CCNY: variants seen among roughly 807,000 people sequenced by gnomAD.
The protein encoded by CCNY is cyclin Y, also known as cyclin-Y.
A neutral mutation model predicts 42.8 loss-of-function variants in CCNY; 19 were observed. That is an observed-to-expected ratio of 0.44 (90% CI 0.31 to 0.65). CCNY has a LOEUF of 0.65. CCNY is among the 30% of genes least tolerant of loss of function. CCNY has a pLI of 0.07. For synonymous variants in CCNY, 165 were observed against 162.7 expected, an observed-to-expected ratio of 1.01 and a Z score of -0.11; for missense variants, 370 against 437.3, an observed-to-expected ratio of 0.85 and a Z score of 1.37.
At chr10:35,565,316 A>G (rs1841547446) in intron 8 of CCNY, among the ~76,000 whole-genome samples, 1 of 152,066 alleles carries the variant, frequency 6.6e-6, no homozygotes. Flanking sequence ...ATCATCTGGG[A>G]GTTCCTTAGA....
chr10:35,391,877 GT>G (rs1045908268), intron 1 of CCNY, among the ~76,000 whole-genome samples: 1 of 151,962 alleles, frequency 6.6e-6, no homozygotes, highest in African/African-American at 2.4e-5. Flanking sequence ...TCTTCCTTTT[GT>G]TTTTATCTAC....
chr10:35,374,800 G>A (rs1270204765), intron 1 of CCNY, among the ~76,000 whole-genome samples: 1 of 152,184 alleles, frequency 6.6e-6, no homozygotes, highest in Non-Finnish European at 1.5e-5. Flanking sequence ...AAAAAAAGGG[G>A]ATGGAAAATG....
At chr10:35,545,134 G>T (rs1293862564) in intron 7 of CCNY, among the ~76,000 whole-genome samples, 1 of 152,208 alleles carries the variant, frequency 6.6e-6, no homozygotes, top group Non-Finnish European at 1.5e-5. Context: ...ACTTATTTTT[G>T]AACGTTCCCT....
chr10:35,272,836 G>A (rs1215567592), intron 3 of CCNY, among the ~76,000 whole-genome samples: 4 of 151,928 alleles, frequency 2.6e-5, no homozygotes, highest in Non-Finnish European at 5.9e-5. Context: ...GGTCTTTGAG[G>A]AATCACCAGT....
In CCNY at chr10:35,338,360, C is replaced by T. The variant is rs79698720; in HGVS notation, c.154+1153C>T. ...GGAGAGCATCTTTATTAAATGAGTG[C>T]CATGTATAAAGGGAGTAACACAACG... On this transcript the variant is annotated intron_variant, in intron 1 of 9. Coordinates refer to ENST00000374704, the MANE Select transcript of CCNY (RefSeq NM_145012.6). Among the ~76,000 whole-genome samples, 10 of 152,244 alleles carry T rather than the reference C, an allele frequency of 6.6e-5. No individual in the cohort carries two copies. The East Asian group carries it at 1.9e-3, about 29-fold the overall frequency.
intron 4 of CCNY, among the ~76,000 whole-genome samples, chr10:35,520,614 G>C (rs1840528229): frequency 6.6e-6 from 1 of 152,192 alleles, no homozygotes; most frequent in Non-Finnish European, 1.5e-5. Context: ...CACCTGTAAA[G>C]TGGGGATTGC....
At chr10:35,417,913 G>C (rs899362962) in intron 1 of CCNY, among the ~76,000 whole-genome samples, 8 of 152,122 alleles carry the variant, frequency 5.3e-5, no homozygotes, top group African/African-American at 1.9e-4. Flanking sequence ...TTTTTCATCA[G>C]CTGTTTCCAA....
chr10:35,521,738 C>T (rs1840551526), intron 4 of CCNY, among the ~76,000 whole-genome samples: 1 of 152,164 alleles, frequency 6.6e-6, no homozygotes. Context: ...ATCTATGCCC[C>T]TGCTTTCCAG....
At position 35,391,656 on chromosome 10, in the gene CCNY, C is replaced by G. The variant is rs541611139; in HGVS notation, c.154+54449C>G. ...ATTTAACATTACCCTAGTTTTTAGT[C>G]TTCTCATCTTTAACATGGGAATGAT... On this transcript the variant is annotated intron_variant, in intron 1 of 9. Transcript: ENST00000374704. Among the ~76,000 whole-genome samples, 6 of 152,280 alleles carry G rather than the reference C, an allele frequency of 3.9e-5. No homozygotes were observed. In the South Asian group the frequency reaches 1.2e-3, roughly 32 times the overall value.
rs1234892557 is a variant in CCNY at position 35,442,320 on chromosome 10, A to G, written c.155-41084A>G. ...AATGCTAAGCTTAGAACTTTGAAGC[A>G]GAAGCAATGTGAGTCATTAAAAGGA... On this transcript the variant is annotated intron_variant, in intron 1 of 9. Coordinates refer to ENST00000374704, the MANE Select transcript of CCNY (RefSeq NM_145012.6). Among the ~76,000 whole-genome samples, 3 of 152,254 alleles carry G rather than the reference A, an allele frequency of 2.0e-5. No homozygotes were observed. In the East Asian group the frequency reaches 5.8e-4, roughly 29 times the overall value.
intron 1 of CCNY, among the ~76,000 whole-genome samples, chr10:35,369,393 C>T (rs1316849935): frequency 2.6e-5 from 4 of 152,188 alleles, no homozygotes; most frequent in South Asian, 2.1e-4. Flanking sequence ...AAGCTCCACA[C>T]GGTTTAGGGA....
intron 7 of CCNY, among the ~76,000 whole-genome samples, chr10:35,533,985 T>C (rs1242834737): frequency 1.3e-5 from 2 of 152,170 alleles, no homozygotes; most frequent in African/African-American, 2.4e-5. Context: ...CCTGCCCCAG[T>C]AGTTTTAGAA....
intron 3 of CCNY, among the ~76,000 whole-genome samples, chr10:35,503,761 A>G (rs1001088604): frequency 6.6e-6 from 1 of 152,202 alleles, no homozygotes; most frequent in African/African-American, 2.4e-5. Context: ...ATGAGGCACA[A>G]AGAAGTTAGC....
chr10:35,395,129 A>G (rs3013373), intron 1 of CCNY, among the ~76,000 whole-genome samples: 2,721 of 152,336 alleles, frequency 0.018, 107 homozygotes, highest in African/African-American at 0.061. Context: ...TGACTCAGAC[A>G]GGTGACTCCC....
intron 2 of CCNY, among the ~76,000 whole-genome samples, chr10:35,492,538 A>G (rs994942749): frequency 6.6e-6 from 1 of 152,210 alleles, no homozygotes; most frequent in Non-Finnish European, 1.5e-5. Flanking sequence ...TGCAGTTTGC[A>G]TATTCCTCTG....
At chr10:35,262,257 C>CAA (rs1184383605) in intron 3 of CCNY, among the ~76,000 whole-genome samples, 622 of 25,094 alleles carry the variant, frequency 0.025, 111 homozygotes, top group African/African-American at 0.076. Context: ...AACTCTGTCT[C>CAA]AAAAAAAAAA....
At chr10:35,384,985 AAG>A (rs1240302049) in intron 1 of CCNY, among the ~76,000 whole-genome samples, 2 of 152,158 alleles carry the variant, frequency 1.3e-5, no homozygotes, top group African/African-American at 4.8e-5. Context: ...ATTTCAGCTA[AAG>A]GCAGTCATCT....
intron 7 of CCNY, among the ~76,000 whole-genome samples, chr10:35,540,110 T>C (rs1012015081): frequency 6.6e-6 from 1 of 152,228 alleles, no homozygotes; most frequent in African/African-American, 2.4e-5. Context: ...AAGTGTTGAA[T>C]AGAAGTATCA....
At chr10:35,298,773 C>T (rs1835500472) in intron 3 of CCNY, among the ~76,000 whole-genome samples, 1 of 152,198 alleles carries the variant, frequency 6.6e-6, no homozygotes, top group Non-Finnish European at 1.5e-5. Flanking sequence ...TGCTGCACTT[C>T]AGTCTCTCAA....
Sources: allele counts gnomAD v4.1 joint callset (sites outside exome capture counted in the v4.1 genomes callset), GRCh38; gene constraint gnomAD v4.1.1; transcripts MANE v1.5; gene names NCBI Gene and HGNC (gene_info 2026-07-23, HGNC 2026-07-21).